ASTN1: variants seen among roughly 807,000 people sequenced by gnomAD.
ASTN1 encodes astrotactin-1.
In ASTN1, 41 loss-of-function variants were observed where a neutral mutation model predicts 140.7. That is an observed-to-expected ratio of 0.29 (90% CI 0.23 to 0.38). The LOEUF is 0.38. Among genes scored for constraint, ASTN1 ranks in the 10% least tolerant of loss-of-function variants. The probability of loss-of-function intolerance (pLI) is 1.00; values close to 1 mark genes in which losing one functional copy is unlikely to be tolerated. For missense variants in ASTN1, 1,479 were observed against 1,678.8 expected (o/e 0.88, Z 2.08); for synonymous variants, 640 against 652.2 (o/e 0.98, Z 0.29).
intron 17 of ASTN1, among the ~76,000 whole-genome samples, chr1:176,891,675 C>G (rs913204055): frequency 1.3e-5 from 2 of 152,110 alleles, no homozygotes; most frequent in Non-Finnish European, 2.9e-5. Flanking sequence ...TGCCTGTAAT[C>G]CCAGCTACTC....
intron 1 of ASTN1, among the ~76,000 whole-genome samples, chr1:177,103,898 T>C (rs992996523): frequency 2.0e-5 from 3 of 152,154 alleles, no homozygotes; most frequent in Non-Finnish European, 4.4e-5. Context: ...GGTCCTTTTG[T>C]CTCTTTCACA....
At chr1:177,017,631 C>T (rs761523013) in intron 7 of ASTN1, among the ~76,000 whole-genome samples, 3 of 152,196 alleles carry the variant, frequency 2.0e-5, no homozygotes, top group Non-Finnish European at 4.4e-5. Flanking sequence ...GCGCCGACTC[C>T]ATGGTGGTGT....
intron 1 of ASTN1, among the ~76,000 whole-genome samples, chr1:177,104,849 C>T (rs552994585): frequency 1.3e-5 from 2 of 152,280 alleles, no homozygotes; most frequent in African/African-American, 4.8e-5. Flanking sequence ...GAGATGATAC[C>T]CAGGTCTTCC....
At chr1:177,085,662 A>T (rs1679429183) in intron 1 of ASTN1, among the ~76,000 whole-genome samples, 1 of 152,160 alleles carries the variant, frequency 6.6e-6, no homozygotes, top group Non-Finnish European at 1.5e-5. Context: ...GCACCTGCAC[A>T]ACCCCTGCCT....
intron 8 of ASTN1, among the ~76,000 whole-genome samples, chr1:176,991,004 C>T (rs1264538269): frequency 6.6e-6 from 1 of 152,188 alleles, no homozygotes; most frequent in Non-Finnish European, 1.5e-5. Context: ...TTTCATCTCT[C>T]CCTGTAAGCC....
intron 2 of ASTN1, among the ~76,000 whole-genome samples, chr1:177,047,891 G>A (rs918185858): frequency 1.3e-5 from 2 of 152,164 alleles, no homozygotes; most frequent in Non-Finnish European, 2.9e-5. Flanking sequence ...TTGTTTAGAA[G>A]ACCTTCAAGT....
intron 1 of ASTN1, among the ~76,000 whole-genome samples, chr1:177,152,730 T>C (rs984479718): frequency 1.3e-5 from 2 of 152,046 alleles, no homozygotes; most frequent in African/African-American, 2.4e-5. Flanking sequence ...TAGAACCAGA[T>C]AAGCCAGTTA....
intron 1 of ASTN1, among the ~76,000 whole-genome samples, chr1:177,068,710 A>T (rs984658457): frequency 1.3e-5 from 2 of 152,086 alleles, no homozygotes; most frequent in African/African-American, 4.8e-5. Context: ...CCCAAGTCAG[A>T]TGCACGCTGT....
chr1:177,059,545 T>C (rs1677979144), intron 2 of ASTN1, among the ~76,000 whole-genome samples: 1 of 152,212 alleles, frequency 6.6e-6, no homozygotes, highest in Non-Finnish European at 1.5e-5. Flanking sequence ...TATTAAGGCT[T>C]AACATTTGCA....
intron 1 of ASTN1, among the ~76,000 whole-genome samples, chr1:177,079,089 G>A (rs116238874): frequency 0.011 from 1,641 of 152,276 alleles, 22 homozygotes; most frequent in African/African-American, 0.035. Context: ...GTCTGCACCT[G>A]CAGGGACAAA....
intron 1 of ASTN1, among the ~76,000 whole-genome samples, chr1:177,097,914 A>C (rs2102122359): frequency 6.6e-6 from 1 of 152,314 alleles, no homozygotes; most frequent in South Asian, 2.1e-4. Flanking sequence ...GGTGCTGAGA[A>C]GATAGCACGT....
chr1:177,128,420 G>A (rs967024751), intron 1 of ASTN1, among the ~76,000 whole-genome samples: 2 of 152,120 alleles, frequency 1.3e-5, no homozygotes, highest in Non-Finnish European at 2.9e-5. Flanking sequence ...AGTTAAAATT[G>A]TTACCCTCAA....
intron 1 of ASTN1, among the ~76,000 whole-genome samples, chr1:177,107,946 A>G (rs1314691251): frequency 6.6e-6 from 1 of 152,120 alleles, no homozygotes; most frequent in Non-Finnish European, 1.5e-5. Flanking sequence ...GGGATGTTAC[A>G]AAAGGGAAGA....
At chr1:176,922,326 G>A (rs889143227) in intron 16 of ASTN1, among the ~76,000 whole-genome samples, 5 of 136,836 alleles carry the variant, frequency 3.7e-5, no homozygotes, top group East Asian at 1.9e-4. Flanking sequence ...ACTTTGAATC[G>A]TAGGTCACAG....
chr1:177,078,602 C>T (rs544485063), intron 1 of ASTN1, among the ~76,000 whole-genome samples: 5 of 152,124 alleles, frequency 3.3e-5, no homozygotes, highest in Non-Finnish European at 7.3e-5. Flanking sequence ...CTTATTTAGA[C>T]AATGAGAGAG....
intron 1 of ASTN1, among the ~76,000 whole-genome samples, chr1:177,064,904 T>C (rs56377326): frequency 0.015 from 2,272 of 152,322 alleles, 26 homozygotes; most frequent in Middle Eastern, 0.031. Flanking sequence ...GCACAGTAAG[T>C]GTCTTGTGAG....
intron 1 of ASTN1, among the ~76,000 whole-genome samples, chr1:177,086,240 T>C (rs1019445312): frequency 7.6e-5 from 11 of 144,084 alleles, no homozygotes; most frequent in African/African-American, 2.8e-4. Flanking sequence ...TTCCTCTTTC[T>C]TGTCTCTCTA....
chr1:177,080,058 T>C (rs1187544799), intron 1 of ASTN1, among the ~76,000 whole-genome samples: 1 of 152,104 alleles, frequency 6.6e-6, no homozygotes, highest in East Asian at 1.9e-4. Context: ...CTGGTAGCTG[T>C]TGAGATACAA....
At position 176,862,792 on chromosome 1, in the gene ASTN1, C is replaced by G. The variant is rs1557917728; in HGVS notation, c.*1492G>C. The G allele has an allele frequency of 4.1e-6, 4 of 982,720 alleles. No homozygotes were observed. In the South Asian group the frequency reaches 1.9e-4, roughly 46 times the overall value. The allele number at this position is 982,720 out of a possible 1,614,324, so 60.9% of individuals were successfully genotyped here. ...AGTGCTTACATCAGCGCCTGGCATA[C>G]AGCAAGCACTCAATAAATGTTATCT... On this transcript the variant is annotated 3_prime_UTR_variant, in exon 23 of 23. Coordinates refer to ENST00000361833, the MANE Select transcript of ASTN1 (RefSeq NM_004319.3).
Sources: gnomAD v4.1 joint callset for allele counts (sites outside exome capture counted in the v4.1 genomes callset) on GRCh38, gnomAD v4.1.1 for gene constraint, MANE v1.5 for transcripts, NCBI Gene and HGNC (gene_info 2026-07-23, HGNC 2026-07-21) for gene names.